Variants in TRAPPC3 observed in about 807,000 individuals in gnomAD.
TRAPPC3 encodes trafficking protein particle complex 3.
TRAPPC3 carries 5 observed loss-of-function variants against 18.2 expected under a neutral mutation model. The ratio of observed to expected loss-of-function variants is 0.28; its 90% CI spans 0.14 to 0.58. The LOEUF (loss-of-function observed/expected upper bound fraction) is 0.58. TRAPPC3 is among the 20% of genes least tolerant of loss of function. The pLI is 0.91. For synonymous variants in TRAPPC3, 65 were observed against 84.2 expected (o/e 0.77, Z 1.25); for missense variants, 176 against 225.9 (o/e 0.78, Z 1.41).
rs1045538749 is a variant in TRAPPC3 at position 36,137,873 on chromosome 1, C to T, written c.346G>A (p.Val116Met). ...GATGAGTGGTTATCAGGAAGTTCCA[C>T]AAAGTCCACCAAGGGGTTATTTTCC... ...ILENNPLVDFVELPDNHSSLI... is the reference protein window; with the variant it reads ...ILENNPLVDFMELPDNHSSLI... Residue 116 changes from valine (V) to methionine (M), a missense_variant, in exon 4 of 5, where the codon GTG (valine) becomes ATG (methionine). Around this residue, in one of 2 missense-constraint regions of TRAPPC3, gnomAD observed 147 missense variants for 164.3 expected, o/e 0.89. Transcript: ENST00000373166. 1 of 1,614,098 alleles carries T rather than the reference C, an allele frequency of 6.2e-7. No homozygotes were observed. The highest frequency in any genetic ancestry group is 8.5e-7 in the Non-Finnish European group (1 of 1,180,048).
rs1398882230 is a variant in TRAPPC3 at position 36,139,779 on chromosome 1, C to G, written c.181G>C (p.Ala61Pro). 1 of 1,613,916 alleles carries G rather than the reference C, an allele frequency of 6.2e-7. No individual in the cohort carries two copies. Among genetic ancestry groups the G allele is most frequent in the Non-Finnish European group, 8.5e-7 (1 of 1,180,022 alleles). ...IGVRLIEDFL[A>P]RSNVGRCHDF... Reference sequence around the variant, plus strand: ...TGGCACCTCCCAACATTTGACCGAGCCAAGAAATCTTCAATCAGCCGGACT... The same window carrying G: ...TGGCACCTCCCAACATTTGACCGAGGCAAGAAATCTTCAATCAGCCGGACT... Residue 61 changes from alanine (A) to proline (P), a missense_variant, in exon 3 of 5, where the codon GCT becomes CCT. Around this residue, in one of 2 missense-constraint regions of TRAPPC3, gnomAD observed 147 missense variants for 164.3 expected, o/e 0.89. Coordinates refer to ENST00000373166, the MANE Select transcript of TRAPPC3 (RefSeq NM_014408.5).
intron 1 of TRAPPC3, chr1:36,149,026 G>A (rs1234127871): frequency 1.6e-6 from 2 of 1,265,994 alleles, no homozygotes; most frequent in African/African-American, 1.5e-5. Context: ...ATGCTGTAAC[G>A]TGCGTGGCCC....
Position 36,149,275 on chromosome 1 carries a change from G to A in TRAPPC3, c.42+62C>T, listed in dbSNP as rs867586067. 3.1e-6 allele frequency: 5 copies of A among 1,609,410 alleles called. No homozygotes were observed. In the African/African-American group the frequency reaches 4.0e-5, roughly 13 times the overall value. Reference sequence around the variant, plus strand: ...CCAAACGCACCTCGCGCTCGGCGCCGGGCCCCTTCCCTGTACGCCTCAATT... The same window carrying A: ...CCAAACGCACCTCGCGCTCGGCGCCAGGCCCCTTCCCTGTACGCCTCAATT... On this transcript the variant is annotated intron_variant, in intron 1 of 4. Transcript: ENST00000373166.
At chr1:36,154,183 T>C (rs1329207780), upstream of TRAPPC3, among the ~76,000 whole-genome samples, 2 of 152,150 alleles carry the variant, frequency 1.3e-5, no homozygotes, top group Non-Finnish European at 2.9e-5. Context: ...TTTTGTATTT[T>C]TGGCAGAGAC....
At chr1:36,153,891 C>T (rs1418617627), upstream of TRAPPC3, among the ~76,000 whole-genome samples, 1 of 152,210 alleles carries the variant, frequency 6.6e-6, no homozygotes, top group South Asian at 2.1e-4. Context: ...CAACAGCTCC[C>T]CATGCTTGTT....
chr1:36,155,529 G>C (rs942223501), intron 1 of TRAPPC3: 1 of 152,456 alleles, frequency 6.6e-6, no homozygotes, highest in African/African-American at 2.4e-5. Flanking sequence ...AGAGACCTGG[G>C]TAAGGCAGCT....
At position 36,140,084 on chromosome 1, in the gene TRAPPC3, T is replaced by G; in HGVS notation, c.125A>C (p.Lys42Thr). 6.2e-7 allele frequency: 1 copy of G among 1,601,736 alleles called. No homozygotes were observed. The highest frequency in any genetic ancestry group is 8.5e-7 in the Non-Finnish European group (1 of 1,175,996). ...GCTCACTCACATTTTGTCCAGCTGT[T>G]TATTCACATCTTCATCATTTTCATA... Reference protein sequence around the residue: ...KDYENDEDVNKQLDKMGFNIG... With the variant: ...KDYENDEDVNTQLDKMGFNIG... Residue 42 changes from lysine (K) to threonine (T), a missense_variant, in exon 2 of 5, where the codon AAA (lysine) becomes ACA (threonine). Transcript: ENST00000373166.
chr1:36,137,508 C>T, intron 4 of TRAPPC3, 186 bp from the exon 5 acceptor site: 1 of 656,048 alleles, frequency 1.5e-6, no homozygotes, highest in South Asian at 2.1e-5. Flanking sequence ...TAAGGAGAAA[C>T]TTAGCAAAGA....
At chr1:36,145,582 T>C (rs1366660603) in intron 1 of TRAPPC3, among the ~76,000 whole-genome samples, 1 of 152,142 alleles carries the variant, frequency 6.6e-6, no homozygotes, top group African/African-American at 2.4e-5. Flanking sequence ...GCAGGTCTCA[T>C]TGTCCATGGG....
chr1:36,137,375 G>C (rs1167503286), intron 4 of TRAPPC3, 53 bp from the exon 5 acceptor site: 2 of 1,581,214 alleles, frequency 1.3e-6, no homozygotes, highest in African/African-American at 1.3e-5. Context: ...AGCCTCTAGG[G>C]AACCAGTGGG....
chr1:36,147,178 C>G (rs1644213512), intron 1 of TRAPPC3, among the ~76,000 whole-genome samples: 1 of 151,978 alleles, frequency 6.6e-6, no homozygotes, highest in South Asian at 2.1e-4. Context: ...AAAAATTAGC[C>G]AGCCGTAGTG....
At chr1:36,153,534 C>A (rs1018857649), upstream of TRAPPC3, among the ~76,000 whole-genome samples, 2 of 152,206 alleles carry the variant, frequency 1.3e-5, no homozygotes, top group Non-Finnish European at 2.9e-5. Context: ...AGTGCCTCAC[C>A]CTCAAGCTAG....
Position 36,140,061 on chromosome 1 carries a change from T to C in TRAPPC3, c.140+8A>G. ...ATTTCTGTCTCTCCTATGAAGGAGC[T>C]CACTCACATTTTGTCCAGCTGTTTA... On this transcript the variant is annotated splice_region_variant and intron_variant, in intron 2 of 4. Transcript: ENST00000373166. 3 of 1,588,876 alleles carry C rather than the reference T, an allele frequency of 1.9e-6. No homozygotes were observed. Among genetic ancestry groups the C allele is most frequent in the Non-Finnish European group, 2.6e-6 (3 of 1,170,038 alleles).
chr1:36,139,868 T>C (rs772728824), intron 2 of TRAPPC3, 49 bp from the exon 3 acceptor site: 3 of 1,607,048 alleles, frequency 1.9e-6, no homozygotes, highest in South Asian at 1.1e-5. Flanking sequence ...AAATGTCTTA[T>C]GTTTGAACAT....
At chr1:36,146,374 G>T (rs1644199965) in intron 1 of TRAPPC3, among the ~76,000 whole-genome samples, 1 of 149,762 alleles carries the variant, frequency 6.7e-6, no homozygotes. Context: ...TCAGCTCACT[G>T]CAAGCTCCGC....
rs1456911169 is a variant in TRAPPC3, at chr1:36,149,418, A to C, written c.-40T>G. The stretch of plus-strand genomic sequence containing the variant: ...CGCCCCACTCGCCTAGCCACGGGTT[A>C]GCTCGGCGACCCCTGCAGACGCCGG... On this transcript the variant is annotated 5_prime_UTR_variant, in exon 1 of 5. Transcript: ENST00000373166. 1 of 1,609,602 alleles carries C rather than the reference A, an allele frequency of 6.2e-7. No individual in the cohort carries two copies. Among genetic ancestry groups the C allele is most frequent in the Non-Finnish European group, 8.5e-7 (1 of 1,178,862 alleles).
At chr1:36,154,743 G>A (rs1357426841) in intron 1 of TRAPPC3, among the ~76,000 whole-genome samples, 1 of 152,144 alleles carries the variant, frequency 6.6e-6, no homozygotes, top group Non-Finnish European at 1.5e-5. Context: ...TCTTTACAAA[G>A]ACCCCAAGAT....
intron 1 of TRAPPC3, among the ~76,000 whole-genome samples, chr1:36,146,545 A>G (rs879136460): frequency 6.7e-6 from 1 of 150,054 alleles, no homozygotes; most frequent in Admixed American, 6.7e-5. Flanking sequence ...TGGCCTCCCA[A>G]AGTGCTGGGA....
chr1:36,137,666 C>T, intron 4 of TRAPPC3, 130 bp downstream of exon 4: 1 of 951,360 alleles, frequency 1.1e-6, no homozygotes, highest in Non-Finnish European at 1.5e-6. Flanking sequence ...ACCTCAGCAG[C>T]ATCACCATCT....
Sources: allele counts gnomAD v4.1 joint callset (sites outside exome capture counted in the v4.1 genomes callset), GRCh38; gene constraint gnomAD v4.1.1; regional missense constraint gnomAD v4.1.1; transcripts MANE v1.5; gene names NCBI Gene and HGNC (gene_info 2026-07-23, HGNC 2026-07-21).